The following OXSR1 variants were observed in gnomAD, a reference collection of about 807,000 sequenced individuals.
OXSR1 encodes the protein oxidative stress responsive kinase 1, also known as serine/threonine-protein kinase OSR1.
A neutral mutation model predicts 79.8 loss-of-function variants in OXSR1; 24 were observed. The ratio of observed to expected loss-of-function variants is 0.30; its 90% CI spans 0.22 to 0.42. The LOEUF (loss-of-function observed/expected upper bound fraction) is 0.42. OXSR1 is among the 10% of genes least tolerant of loss of function. The probability of loss-of-function intolerance (pLI) is 1.00; values close to 1 mark genes in which losing one functional copy is unlikely to be tolerated. For synonymous variants in OXSR1, 226 were observed against 209.2 expected (o/e 1.08, Z -0.69); for missense variants, 430 against 618.4 (o/e 0.70, Z 3.23).
At chr3:38,206,680 T>C (rs970701414) in intron 4 of OXSR1, among the ~76,000 whole-genome samples, 5 of 152,184 alleles carry the variant, frequency 3.3e-5, no homozygotes, top group Admixed American at 2.6e-4. Context: ...ATATGCTAAG[T>C]AAAAGAGGAC....
Position 38,165,865 on chromosome 3 carries a change from G to C in OXSR1, c.-12G>C. 6.2e-7 allele frequency: 1 copy of C among 1,606,996 alleles called. No individual in the cohort carries two copies. The highest frequency in any genetic ancestry group is 8.5e-7 in the Non-Finnish European group (1 of 1,177,576). On this transcript the variant is annotated 5_prime_UTR_variant, in exon 1 of 18. Transcript: ENST00000311806. ...CGAGTTTGAGGGAGGACCGCGAGCC[G>C]CTGCCGCCGTCATGTCCGAGGACTC... is the stretch of plus-strand genomic sequence containing the variant.
chr3:38,184,903 C>CTTTTTTTTTT, intron 2 of OXSR1, among the ~76,000 whole-genome samples: 1 of 22,888 alleles, frequency 4.4e-5, no homozygotes. Context: ...AAGAACATTT[C>CTTTTTTTTTT]TTTTTTTTTT....
intron 8 of OXSR1, among the ~76,000 whole-genome samples, chr3:38,226,183 T>C (rs1336880113): frequency 6.6e-6 from 1 of 152,066 alleles, no homozygotes; most frequent in Non-Finnish European, 1.5e-5. Context: ...CTGAACATAA[T>C]GCCCCACTGT....
chr3:38,184,903 CTTTTTTTTTTTTTTTTTTTTTTTTTTTTT>C (rs1213000624), intron 2 of OXSR1, among the ~76,000 whole-genome samples: 221 of 22,868 alleles, frequency 9.7e-3, no homozygotes, highest in African/African-American at 0.024. Context: ...AAGAACATTT[CTTTTTTTTTTTTTTTTTTTTTTTTTTTTT>C]TTTTTTTTTT....
intron 3 of OXSR1, among the ~76,000 whole-genome samples, chr3:38,195,042 C>A (rs1702049825): frequency 6.6e-6 from 1 of 152,074 alleles, no homozygotes; most frequent in South Asian, 2.1e-4. Context: ...CTGTAATATT[C>A]CTATCTTTGC....
intron 8 of OXSR1, among the ~76,000 whole-genome samples, chr3:38,227,545 C>CCACACACA (rs58097834): frequency 0.015 from 2,119 of 138,390 alleles, 46 homozygotes; most frequent in African/African-American, 0.048. Context: ...GTATGCACAT[C>CCACACACA]CACACACACA....
At position 38,252,977 on chromosome 3, in the gene OXSR1, A is replaced by G. The variant is rs1575381278; in HGVS notation, c.*86A>G. ...TATTGGCCTAAACCCACTACTGCCAAAGAACCCAGCAACAAACCTCCCGGC... is the reference window on the plus strand; with the variant it reads ...TATTGGCCTAAACCCACTACTGCCAGAGAACCCAGCAACAAACCTCCCGGC... On this transcript the variant is annotated 3_prime_UTR_variant, in exon 18 of 18. Transcript: ENST00000311806. 1 of 1,075,920 alleles carries G rather than the reference A, an allele frequency of 9.3e-7. No homozygotes were observed. Among genetic ancestry groups the G allele is most frequent in the East Asian group, 2.4e-5 (1 of 41,710 alleles). The allele number at this position is 1,075,920 out of a possible 1,614,324, so 66.6% of individuals were successfully genotyped here.
intron 1 of OXSR1, among the ~76,000 whole-genome samples, chr3:38,180,295 C>G (rs1376526226): frequency 6.6e-6 from 1 of 152,126 alleles, no homozygotes; most frequent in Non-Finnish European, 1.5e-5. Flanking sequence ...GTTCATGGGT[C>G]AACTGTACTC....
At chr3:38,170,649 T>C (rs754984495) in intron 1 of OXSR1, among the ~76,000 whole-genome samples, 7 of 152,228 alleles carry the variant, frequency 4.6e-5, no homozygotes, top group Non-Finnish European at 7.3e-5. Flanking sequence ...ATGTAGCTAA[T>C]TAGAGGCAGA....
In OXSR1 at chr3:38,216,168, C is replaced by A. The variant is rs769948814; in HGVS notation, c.490+17C>A. ...AGATTGCAGGTAATGATTAGTATTT[C>A]TTTTTATTTGATTTAATGGTCAGTA... is the stretch of plus-strand genomic sequence containing the variant. On this transcript the variant is annotated intron_variant, in intron 5 of 17. Coordinates refer to ENST00000311806, the MANE Select transcript of OXSR1 (RefSeq NM_005109.3). 4 of 1,489,612 alleles carry A rather than the reference C, an allele frequency of 2.7e-6. No individual in the cohort carries two copies. The African/African-American group carries it at 4.2e-5, about 16-fold the overall frequency. The allele number at this position is 1,489,612 out of a possible 1,614,324, so 92.3% of individuals were successfully genotyped here. A position where few individuals can be genotyped will look rare whatever the true frequency, so the allele number is the denominator to read the frequency against.
intron 1 of OXSR1, among the ~76,000 whole-genome samples, chr3:38,176,382 C>T (rs1281871958): frequency 1.3e-5 from 2 of 152,034 alleles, no homozygotes; most frequent in Non-Finnish European, 2.9e-5. Context: ...GATATTCTTC[C>T]ATATCGTATT....
At chr3:38,191,070 T>C (rs1701972911) in intron 3 of OXSR1, among the ~76,000 whole-genome samples, 1 of 152,104 alleles carries the variant, frequency 6.6e-6, no homozygotes, top group African/African-American at 2.4e-5. Context: ...TTTTAGAGAC[T>C]GTCTGGCTCT....
chr3:38,252,483 A>T (rs1703278490), intron 17 of OXSR1, 91 bp downstream of exon 17: 2 of 890,548 alleles, frequency 2.2e-6, no homozygotes, highest in Non-Finnish European at 3.8e-6. Flanking sequence ...GAGTGATGAG[A>T]ATATTAAAAT....
In OXSR1 at chr3:38,210,275, C is replaced by G. The variant is rs369889077; in HGVS notation, c.435-5821C>G. 1.1e-4 allele frequency among the ~76,000 whole-genome samples: 16 copies of G among 152,230 alleles called. No individual in the cohort carries two copies. In the East Asian group the frequency reaches 2.9e-3, roughly 28 times the overall value. On this transcript the variant is annotated intron_variant, in intron 4 of 17. Transcript: ENST00000311806. ...ACTGCACAAGTGCTTCTCAGTTCCCCCCCAAGGTGAGACAGGAAGGCTTGA... is the reference window on the plus strand; with the variant it reads ...ACTGCACAAGTGCTTCTCAGTTCCCGCCCAAGGTGAGACAGGAAGGCTTGA...
intron 8 of OXSR1, among the ~76,000 whole-genome samples, chr3:38,225,325 G>C (rs1305464340): frequency 2.0e-5 from 3 of 152,094 alleles, no homozygotes. Flanking sequence ...TCAAAGTCCT[G>C]ATTCCTAACT....
intron 4 of OXSR1, among the ~76,000 whole-genome samples, chr3:38,203,128 G>C (rs1336149974): frequency 6.6e-6 from 1 of 152,194 alleles, no homozygotes; most frequent in Admixed American, 6.5e-5. Context: ...GCGGTAGAAG[G>C]AATAGTGAAA....
chr3:38,200,342 C>T (rs141425495), intron 4 of OXSR1, among the ~76,000 whole-genome samples: 635 of 152,232 alleles, frequency 4.2e-3, no homozygotes, highest in Non-Finnish European at 6.5e-3. Flanking sequence ...TGAGTTATAG[C>T]AGATTAAAGG....
At chr3:38,218,209 T>A (rs1702521835) in intron 5 of OXSR1, among the ~76,000 whole-genome samples, 1 of 152,152 alleles carries the variant, frequency 6.6e-6, no homozygotes, top group African/African-American at 2.4e-5. Context: ...TCATAGCAGC[T>A]GTACCATTTT....
intron 5 of OXSR1, among the ~76,000 whole-genome samples, chr3:38,220,526 A>G (rs770838723): frequency 6.6e-6 from 1 of 152,206 alleles, no homozygotes; most frequent in African/African-American, 2.4e-5. Flanking sequence ...GAGCCTCACT[A>G]TATTAGTTAA....
Sources: gnomAD v4.1 joint callset for allele counts (sites outside exome capture counted in the v4.1 genomes callset) on GRCh38, gnomAD v4.1.1 for gene constraint, MANE v1.5 for transcripts, NCBI Gene and HGNC (gene_info 2026-07-23, HGNC 2026-07-21) for gene names.